The following MLXIP variants were observed in gnomAD, a reference collection of about 807,000 sequenced individuals.
The protein encoded by MLXIP is MLX-interacting protein.
MLXIP carries 30 observed loss-of-function variants against 87.2 expected under a neutral mutation model. The ratio of observed to expected loss-of-function variants is 0.34; its 90% CI spans 0.26 to 0.47. MLXIP has a LOEUF of 0.47. Ranked by LOEUF, MLXIP falls within the 20% of genes least tolerant of loss-of-function variation. The probability of loss-of-function intolerance (pLI) is 1.00; values close to 1 mark genes in which losing one functional copy is unlikely to be tolerated. For missense variants in MLXIP, 1,002 were observed against 1,240.1 expected, an observed-to-expected ratio of 0.81 and a Z score of 2.88; for synonymous variants, 530 against 514.0, an observed-to-expected ratio of 1.03 and a Z score of -0.42.
chr12:122,143,284 G>T lies in MLXIP; in HGVS notation c.*1472G>T, dbSNP rs527421304. ...CTGTCCCACAGTTTAGATCCAGTTGGAGGTTCTCCCTGGCTCCTGCAGGCC... is the reference window on the plus strand; with the variant it reads ...CTGTCCCACAGTTTAGATCCAGTTGTAGGTTCTCCCTGGCTCCTGCAGGCC... On this transcript the variant is annotated 3_prime_UTR_variant, in exon 17 of 17. Transcript: ENST00000319080. 1 of 152,342 alleles carries T rather than the reference G, an allele frequency of 6.6e-6. No homozygotes were observed. Among genetic ancestry groups the T allele is most frequent in the Non-Finnish European group, 1.5e-5 (1 of 68,144 alleles). The allele number at this position is 152,342 out of a possible 1,614,324, so 9.4% of individuals were successfully genotyped here. A position where few individuals can be genotyped will look rare whatever the true frequency, so the allele number is the denominator to read the frequency against.
chr12:122,115,314 G>GC (rs1044793243), intron 1 of MLXIP, among the ~76,000 whole-genome samples: 6 of 151,940 alleles, frequency 3.9e-5, no homozygotes, highest in Admixed American at 3.9e-4. Flanking sequence ...GTGGCTGGGC[G>GC]CGGTGTCTCA....
rs1281861525 is a variant in MLXIP at position 122,086,316 on chromosome 12, A to G, written c.413+7050A>G. 2.7e-5 allele frequency among the ~76,000 whole-genome samples: 3 copies of G among 112,438 alleles called. No individual in the cohort carries two copies. The East Asian group carries it at 7.8e-4, about 29-fold the overall frequency. The allele number at this position is 112,438 out of a possible 152,430, so 73.8% of individuals were successfully genotyped here. A position where few individuals can be genotyped will look rare whatever the true frequency, so the allele number is the denominator to read the frequency against. On this transcript the variant is annotated intron_variant, in intron 1 of 16. Transcript: ENST00000319080. Reference sequence around the variant, plus strand: ...AACTCATCTTCACTCTTCTCCCACCACAGGAGAGCAGAGGAGCCCACCCCG... The same window carrying G: ...AACTCATCTTCACTCTTCTCCCACCGCAGGAGAGCAGAGGAGCCCACCCCG...
chr12:122,138,137 G>C (rs1953127213), intron 12 of MLXIP, 57 bp from the exon 13 acceptor site: 1 of 1,455,476 alleles, frequency 6.9e-7, no homozygotes, highest in African/African-American at 1.4e-5. Flanking sequence ...GGGTGAGGAA[G>C]GGTGGACAGT....
intron 1 of MLXIP, among the ~76,000 whole-genome samples, chr12:122,112,924 C>T (rs558191031): frequency 1.3e-4 from 20 of 152,194 alleles, no homozygotes; most frequent in African/African-American, 4.6e-4. Context: ...TTTTCAAAGT[C>T]TTAGGCTAGG....
chr12:122,129,102 C>CTTTG, intron 3 of MLXIP, 35 bp from the exon 4 acceptor site: 1 of 1,529,666 alleles, frequency 6.5e-7, no homozygotes, highest in Admixed American at 1.8e-5. Context: ...TCAAGCAGAG[C>CTTTG]CCCCTCTTCA....
intron 1 of MLXIP, among the ~76,000 whole-genome samples, chr12:122,109,407 T>TG (rs1483109709): frequency 1.3e-5 from 2 of 152,268 alleles, no homozygotes; most frequent in African/African-American, 4.8e-5. Context: ...TTTTGCCATG[T>TG]TGGCCAGGCT....
At chr12:122,089,556 AAC>A (rs1479680138) in intron 1 of MLXIP, among the ~76,000 whole-genome samples, 1 of 152,086 alleles carries the variant, frequency 6.6e-6, no homozygotes, top group African/African-American at 2.4e-5. Flanking sequence ...TTTTCTTTTT[AAC>A]ACAACTTTCT....
intron 1 of MLXIP, among the ~76,000 whole-genome samples, chr12:122,106,199 C>T (rs902847348): frequency 2.0e-5 from 3 of 152,152 alleles, no homozygotes; most frequent in Non-Finnish European, 2.9e-5. Context: ...CAAAGCTGCT[C>T]GTTTCTGGAG....
At chr12:122,092,881 C>T (rs999620178) in intron 1 of MLXIP, among the ~76,000 whole-genome samples, 3 of 128,498 alleles carry the variant, frequency 2.3e-5, no homozygotes, top group Admixed American at 1.6e-4. Flanking sequence ...TACCTATCTT[C>T]GGCTTTGCTT....
chr12:122,078,908 CA>C lies in MLXIP; in HGVS notation c.56del (p.Gln19ArgfsTer115). The C allele has an allele frequency of 8.7e-7, 1 of 1,147,270 alleles. No individual in the cohort carries two copies. Among genetic ancestry groups the C allele is most frequent in the Non-Finnish European group, 1.1e-6 (1 of 928,380 alleles). 71.1% of individuals were successfully genotyped at this position (1,147,270 alleles called of 1,614,324 possible). ...SPRRPRSRGR[Q>X]VLLKPQVSED... is the part of the protein sequence containing the mutation. ...GCGCCGGCCTCGCAGCCGGGGCCGC[CA>C]GGTGCTGCTCAAGCCCCAGGTGTCC... On this transcript the variant is annotated frameshift_variant, in exon 1 of 17. Transcript: ENST00000319080. LOFTEE classifies it high-confidence loss of function.
rs1039753511 is a variant in MLXIP, at chr12:122,142,564, G to A, written c.*752G>A. 1 of 340,082 alleles carries A rather than the reference G, an allele frequency of 2.9e-6. No homozygotes were observed. The highest frequency in any genetic ancestry group is 2.1e-5 in the African/African-American group (1 of 46,560). 21.1% of individuals were successfully genotyped at this position (340,082 alleles called of 1,614,324 possible). The stretch of plus-strand genomic sequence containing the variant: ...CACCTGACATTGCAGGATCCATGGG[G>A]ACTCAGCCCAGGGCCTTCTCGGATG... On this transcript the variant is annotated 3_prime_UTR_variant, in exon 17 of 17. Transcript: ENST00000319080.
At chr12:122,083,935 G>C (rs1239532500) in intron 1 of MLXIP, among the ~76,000 whole-genome samples, 1 of 152,166 alleles carries the variant, frequency 6.6e-6, no homozygotes, top group Non-Finnish European at 1.5e-5. Context: ...TTCTTCTCCT[G>C]CGTTCTTCAG....
chr12:122,138,745 C>T lies in MLXIP; in HGVS notation c.2385-70C>T, dbSNP rs144471711. 8,456 of 1,576,400 alleles carry T rather than the reference C, an allele frequency of 5.4e-3. 58 individuals carry two copies. Among genetic ancestry groups the T allele is most frequent in the Middle Eastern group, 0.011 (49 of 4,586 alleles). On this transcript the variant is annotated intron_variant, in intron 14 of 16. Coordinates refer to ENST00000319080, the MANE Select transcript of MLXIP (RefSeq NM_014938.6). ...GTGGCCCGGCACTGGGCCAGCCCTG[C>T]CATCTTTTGTCCCAGGGTCCTTATT...
chr12:122,130,033 C>T lies in MLXIP; in HGVS notation c.831C>T (p.Leu277=). The T allele has an allele frequency of 6.2e-7, 1 of 1,614,012 alleles. No homozygotes were observed. Among genetic ancestry groups the T allele is most frequent in the South Asian group, 1.1e-5 (1 of 91,078 alleles). ...ATCCCCTGCTGGACACAGACATGCT[C>T]ATGTCGGAATTCAGCGACACCCTCT... The part of the protein sequence containing the change: ...EEDPLLDTDM[L]MSEFSDTLFS... Residue 277 remains leucine (L), a synonymous_variant, in exon 6 of 17, where the codon CTC becomes CTT. Coordinates refer to ENST00000319080, the MANE Select transcript of MLXIP (RefSeq NM_014938.6).
At chr12:122,107,103 T>C (rs1176639691) in intron 1 of MLXIP, among the ~76,000 whole-genome samples, 2 of 152,276 alleles carry the variant, frequency 1.3e-5, no homozygotes, top group East Asian at 1.9e-4. Flanking sequence ...TTGTCCACTC[T>C]GTAGCTTGAC....
chr12:122,116,898 G>A (rs527408162), intron 1 of MLXIP, among the ~76,000 whole-genome samples: 16 of 152,192 alleles, frequency 1.1e-4, no homozygotes, highest in Non-Finnish European at 2.1e-4. Context: ...GGTTAGAAGT[G>A]GTCTAGACAT....
chr12:122,139,543 C>T (rs925626406), intron 15 of MLXIP, among the ~76,000 whole-genome samples: 11 of 152,192 alleles, frequency 7.2e-5, no homozygotes, highest in Non-Finnish European at 1.3e-4. Context: ...TTGGGTTGAC[C>T]GTGGCATTGG....
chr12:122,103,199 GTATTTATTTATTTATT>G (rs754355713), intron 1 of MLXIP, among the ~76,000 whole-genome samples: 992 of 93,846 alleles, frequency 0.011, 12 homozygotes, highest in African/African-American at 0.032. Flanking sequence ...ATGTATGTAT[GTATTTATTTATTTATT>G]TATTTATTTA....
At chr12:122,106,373 C>A (rs1952519541) in intron 1 of MLXIP, among the ~76,000 whole-genome samples, 1 of 152,186 alleles carries the variant, frequency 6.6e-6, no homozygotes, top group Non-Finnish European at 1.5e-5. Context: ...CCTTTGCTCA[C>A]TCAAAGGAAG....
Sources: allele counts gnomAD v4.1 joint callset (sites outside exome capture counted in the v4.1 genomes callset), GRCh38; gene constraint gnomAD v4.1.1; transcripts MANE v1.5; gene names NCBI Gene and HGNC (gene_info 2026-07-23, HGNC 2026-07-21).